DMKN: variants seen among roughly 807,000 people sequenced by gnomAD.
DMKN encodes epidermis-specific secreted protein SK30/SK89.
In DMKN, 58 loss-of-function variants were observed where a neutral mutation model predicts 67.6. The ratio of observed to expected loss-of-function variants is 0.86; its 90% CI spans 0.69 to 1.07. DMKN has a LOEUF of 1.07. DMKN is among the 50% of genes least tolerant of loss of function. The pLI, the probability that DMKN is intolerant of heterozygous loss-of-function variation, is 0.00. For missense variants in DMKN, 596 were observed against 601.5 expected (o/e 0.99, Z 0.10); for synonymous variants, 240 against 232.3 (o/e 1.03, Z -0.30).
At chr19:35,503,070 C>T (rs1279981146) in intron 9 of DMKN, among the ~76,000 whole-genome samples, 184 bp from the exon 10 acceptor site, 4 of 152,104 alleles carry the variant, frequency 2.6e-5, no homozygotes, top group African/African-American at 9.7e-5. Context: ...GAGAGAGAGG[C>T]ACTAACCAAC....
rs760241126 is a variant in DMKN, at chr19:35,512,635, A to G, written c.582T>C (p.Gly194=). 1.3e-5 allele frequency: 21 copies of G among 1,613,858 alleles called. No homozygotes were observed. Among genetic ancestry groups the G allele is most frequent in the Non-Finnish European group, 1.8e-5 (21 of 1,179,932 alleles). Residue 194 remains glycine (G), a synonymous_variant, in exon 2 of 16, where the codon GGT becomes GGC. Coordinates refer to ENST00000339686, the MANE Select transcript of DMKN (RefSeq NM_033317.5). ...TTGGTGGCCCTCCATTGCCTCCTTGACCCCAGGGAGCTCCCTGAGGATTCA... is the reference window on the plus strand; with the variant it reads ...TTGGTGGCCCTCCATTGCCTCCTTGGCCCCAGGGAGCTCCCTGAGGATTCA... ...FGMNPQGAPW[G]QGGNGGPPNF...
chr19:35,502,001 G>GC, intron 11 of DMKN, 135 bp downstream of exon 11: 2 of 1,551,622 alleles, frequency 1.3e-6, no homozygotes, highest in Middle Eastern at 1.7e-4. Flanking sequence ...CTCTCACCCC[G>GC]CCCCCACTCG....
chr19:35,512,947 C>T, intron 1 of DMKN, 103 bp downstream of exon 1: 1 of 1,550,864 alleles, frequency 6.4e-7, no homozygotes, highest in Non-Finnish European at 8.7e-7. Flanking sequence ...GCCCCAGAAG[C>T]CTGCAAGTAA....
chr19:35,500,624 C>A (rs767849830), intron 11 of DMKN, 44 bp from the exon 12 acceptor site: 2 of 1,568,140 alleles, frequency 1.3e-6, no homozygotes, highest in African/African-American at 1.4e-5. Context: ...CGCAGTCGTG[C>A]GGGCATTGCC....
At chr19:35,504,783 C>T (rs2069123149) in intron 9 of DMKN, among the ~76,000 whole-genome samples, 1 of 151,888 alleles carries the variant, frequency 6.6e-6, no homozygotes, top group Non-Finnish European at 1.5e-5. Flanking sequence ...CTCACAGGGG[C>T]CAGTCAGGTG....
At chr19:35,510,544 C>A (rs1340823108) in intron 5 of DMKN, 3 of 1,533,418 alleles carry the variant, frequency 2.0e-6, no homozygotes, top group Admixed American at 4.0e-5. Flanking sequence ...GCGCAGTAGC[C>A]GCGATCCTGC....
chr19:35,498,894 C>T lies in DMKN; in HGVS notation c.1363G>A (p.Gly455Arg). The part of the protein sequence containing the change: ...KYSVKTPAKG[G>R]VSPSSSASRV... ...CTCACCGAGGAAGAAGGTGAGACTC[C>T]CCCCTGCAAAAAGATCAAAGGAAAG... Residue 455 changes from glycine to arginine, a missense_variant, in exon 14 of 16, where the codon GGA (glycine) becomes AGA (arginine). Transcript: ENST00000339686. The T allele has an allele frequency of 1.9e-6, 3 of 1,614,120 alleles. No homozygotes were observed. The highest frequency in any genetic ancestry group is 2.7e-5 in the African/African-American group (2 of 75,026).
chr19:35,505,986 T>C lies in DMKN; in HGVS notation c.1039A>G (p.Asn347Asp), dbSNP rs773293052. Reference sequence around the variant, plus strand: ...AACATCCCAGGAGACGTCTCAGAGTTCTATGGAACCAAGGAGATATGGGAT... The same window carrying C: ...AACATCCCAGGAGACGTCTCAGAGTCCTATGGAACCAAGGAGATATGGGAT... ...ARGSGESGIQ[N>D]SETSPGMFNF... is the part of the protein sequence containing the mutation. The change falls in exon 8 of 16, where the codon AAC becomes GAC. Residue 347 changes from asparagine (N) to aspartate (D), a missense_variant and splice_region_variant. Physicochemically the swap from Asn to Asp is conservative, Grantham distance 23 (BLOSUM62 1). Transcript: ENST00000339686. 12 of 1,614,010 alleles carry C rather than the reference T, an allele frequency of 7.4e-6. No individual in the cohort carries two copies. Among genetic ancestry groups the C allele is most frequent in the African/African-American group, 1.3e-5 (1 of 74,902 alleles).
chr19:35,500,259 C>A (rs1643002467), intron 12 of DMKN: 1 of 1,395,836 alleles, frequency 7.2e-7, no homozygotes, highest in Admixed American at 2.1e-5. Flanking sequence ...TCCTCCTACT[C>A]CTCCTCCTGC....
Position 35,511,782 on chromosome 19 carries a change from C to T in DMKN, c.716G>A (p.Gly239Glu). Reference protein sequence around the residue: ...CTNPPPSGSGGGSSNSGGGSG... With the variant: ...CTNPPPSGSGEGSSNSGGGSG... The stretch of plus-strand genomic sequence containing the variant: ...ACTCACCCCAGAGTTGCTGGAGCCT[C>T]CACCTGAGCCAGATGGTGGGGGATT... Residue 239 changes from glycine to glutamate, a missense_variant, in exon 4 of 16, where the codon GGA becomes GAA. By Grantham distance (98) the Gly-to-Glu change is moderately conservative. Transcript: ENST00000339686. The T allele has an allele frequency of 6.2e-7, 1 of 1,613,410 alleles. No homozygotes were observed. Among genetic ancestry groups the T allele is most frequent in the Non-Finnish European group, 8.5e-7 (1 of 1,179,632 alleles).
rs1400097996 is a variant in DMKN at position 35,502,189 on chromosome 19, G to A, written c.1192-6C>T. On this transcript the variant is annotated splice_polypyrimidine_tract_variant and splice_region_variant and intron_variant, in intron 10 of 15. Coordinates refer to ENST00000339686, the MANE Select transcript of DMKN (RefSeq NM_033317.5). Reference sequence around the variant, plus strand: ...GGAGTGTTCTGTTTGAAATCCTGCAGGGAGAAGGAGGGCAGAGTGGGCCGG... The same window carrying A: ...GGAGTGTTCTGTTTGAAATCCTGCAAGGAGAAGGAGGGCAGAGTGGGCCGG... 4 of 1,614,122 alleles carry A rather than the reference G, an allele frequency of 2.5e-6. No individual in the cohort carries two copies. In the Admixed American group the frequency reaches 6.7e-5, roughly 27 times the overall value.
chr19:35,509,860 C>G, intron 7 of DMKN, 51 bp downstream of exon 7: 1 of 1,608,974 alleles, frequency 6.2e-7, no homozygotes, highest in South Asian at 1.1e-5. Context: ...TGGGCACAGT[C>G]CTGGGCAGGA....
chr19:35,504,111 G>T (rs2068966620), intron 9 of DMKN, among the ~76,000 whole-genome samples: 1 of 152,104 alleles, frequency 6.6e-6, no homozygotes, highest in South Asian at 2.1e-4. Context: ...GGCCCAGATG[G>T]ATCCTGCCTC....
At position 35,502,283 on chromosome 19, in the gene DMKN, C is replaced by A. The variant is rs1047776462; in HGVS notation, c.1192-100G>T. 4.7e-5 allele frequency: 57 copies of A among 1,223,904 alleles called. 1 individual carries two copies. The South Asian group carries it at 6.1e-4, about 13-fold the overall frequency. 75.8% of individuals were successfully genotyped at this position (1,223,904 alleles called of 1,614,324 possible). ...ATTCCAGATCTCGGGTAGGAAGGAG[C>A]TTTTGGGTGTGGCTTGGGGTTGGAG... On this transcript the variant is annotated intron_variant, in intron 10 of 15. Coordinates refer to ENST00000339686, the MANE Select transcript of DMKN (RefSeq NM_033317.5).
intron 7 of DMKN, 53 bp downstream of exon 7, chr19:35,509,858 G>A: frequency 1.9e-6 from 3 of 1,603,556 alleles, no homozygotes; most frequent in Non-Finnish European, 2.6e-6. Context: ...AGTGGGCACA[G>A]TCCTGGGCAG....
In DMKN at chr19:35,497,476, A is replaced by C. The variant is rs1350197718; in HGVS notation, c.*63T>G. The stretch of plus-strand genomic sequence containing the variant: ...CAGGGCTGGCACAGGCTGGGGGCCA[A>C]GGGGAGGAGCTCCCTGACGACCAGT... On this transcript the variant is annotated 3_prime_UTR_variant, in exon 16 of 16. Coordinates refer to ENST00000339686, the MANE Select transcript of DMKN (RefSeq NM_033317.5). The C allele has an allele frequency of 1.3e-5, 2 of 151,988 alleles. No individual in the cohort carries two copies. Among genetic ancestry groups the C allele is most frequent in the Admixed American group, 6.6e-5 (1 of 15,250 alleles). 9.4% of individuals were successfully genotyped at this position (151,988 alleles called of 1,614,324 possible).
intron 11 of DMKN, 87 bp from the exon 12 acceptor site, chr19:35,500,667 C>T: frequency 7.0e-7 from 1 of 1,434,808 alleles, no homozygotes; most frequent in South Asian, 1.3e-5. Flanking sequence ...TCCCTCACCC[C>T]ACCCCTTTCC....
At position 35,511,752 on chromosome 19, in the gene DMKN, T is replaced by A. The variant is rs2070868067; in HGVS notation, c.735+11A>T. 1 of 1,611,774 alleles carries A rather than the reference T, an allele frequency of 6.2e-7. No individual in the cohort carries two copies. The highest frequency in any genetic ancestry group is 1.7e-5 in the Admixed American group (1 of 59,782). On this transcript the variant is annotated intron_variant, in intron 4 of 15. Coordinates refer to ENST00000339686, the MANE Select transcript of DMKN (RefSeq NM_033317.5). ...TGGTGCACAACTCCTGGGTTGCCCC[T>A]CTCCACTCACCCCAGAGTTGCTGGA... is the stretch of plus-strand genomic sequence containing the variant.
intron 5 of DMKN, chr19:35,510,496 C>A: frequency 1.3e-6 from 2 of 1,549,752 alleles, no homozygotes; most frequent in South Asian, 2.4e-5. Flanking sequence ...AGCTGCTGCC[C>A]ACCGCAGGCC....
Sources: allele counts gnomAD v4.1 joint callset (sites outside exome capture counted in the v4.1 genomes callset), GRCh38; gene constraint gnomAD v4.1.1; transcripts MANE v1.5; gene names NCBI Gene and HGNC (gene_info 2026-07-23, HGNC 2026-07-21).